The following DLGAP1 variants were observed in gnomAD, a reference collection of about 807,000 sequenced individuals.
DLGAP1 encodes DLG associated protein 1.
Under a neutral mutation model 90.8 loss-of-function variants are expected in DLGAP1, and 11 were observed. The ratio of observed to expected loss-of-function variants is 0.12; its 90% CI spans 0.08 to 0.20. DLGAP1 has a LOEUF of 0.20. Ranked by LOEUF, DLGAP1 falls within the 10% of genes least tolerant of loss-of-function variation. The pLI is 1.00. For missense variants in DLGAP1, 1,050 were observed against 1,333.8 expected (o/e 0.79, Z 3.31); for synonymous variants, 558 against 540.7 (o/e 1.03, Z -0.44).
chr18:4,099,337 ATCTATCTATCTG>A (rs1234994802), intron 2 of DLGAP1, among the ~76,000 whole-genome samples: 62 of 123,936 alleles, frequency 5.0e-4, no homozygotes, highest in African/African-American at 8.4e-4. Context: ...CTATCTATCT[ATCTATCTATCTG>A]TCTGTCTGTC....
chr18:4,024,456 C>T (rs2074666094), intron 2 of DLGAP1, among the ~76,000 whole-genome samples: 1 of 152,142 alleles, frequency 6.6e-6, no homozygotes, highest in African/African-American at 2.4e-5. Context: ...GATACTAATG[C>T]TTTTTCACGG....
chr18:4,178,117 C>T lies in DLGAP1; in HGVS notation c.-266-26830G>A, dbSNP rs149045240. 4.0e-3 allele frequency among the ~76,000 whole-genome samples: 603 copies of T among 151,214 alleles called. 10 individuals carry two copies. Among genetic ancestry groups the T allele is most frequent in the African/African-American group, 0.014 (569 of 41,160 alleles). Reference sequence around the variant, plus strand: ...TTGAATTCCATTCAAGTATTATCTACTTCTGAGATTCAGACTATCCCACTA... The same window carrying T: ...TTGAATTCCATTCAAGTATTATCTATTTCTGAGATTCAGACTATCCCACTA... On this transcript the variant is annotated intron_variant, in intron 1 of 12. Coordinates refer to ENST00000315677, the MANE Select transcript of DLGAP1 (RefSeq NM_004746.4).
intron 2 of DLGAP1, among the ~76,000 whole-genome samples, chr18:4,022,286 A>C (rs527928062): frequency 6.6e-6 from 1 of 151,454 alleles, no homozygotes; most frequent in Non-Finnish European, 1.5e-5. Context: ...CTTTGGTTTT[A>C]CTTTGTTCTC....
intron 1 of DLGAP1, among the ~76,000 whole-genome samples, chr18:4,283,585 T>A (rs1598808382): frequency 6.6e-6 from 1 of 152,178 alleles, no homozygotes; most frequent in South Asian, 2.1e-4. Flanking sequence ...TCAAGAAACC[T>A]TGTGTACAAC....
chr18:3,887,503 G>A (rs1215682285), intron 3 of DLGAP1, among the ~76,000 whole-genome samples: 1 of 152,198 alleles, frequency 6.6e-6, no homozygotes, highest in Non-Finnish European at 1.5e-5. Context: ...CAGTTTATGA[G>A]AGAAGACTGG....
chr18:3,580,213 T>G lies in DLGAP1; in HGVS notation c.1965+1662A>C. 3 of 1,582,158 alleles carry G rather than the reference T, an allele frequency of 1.9e-6. No individual in the cohort carries two copies. The South Asian group carries it at 3.3e-5, about 18-fold the overall frequency. On this transcript the variant is annotated intron_variant, in intron 8 of 12. Coordinates refer to ENST00000315677, the MANE Select transcript of DLGAP1 (RefSeq NM_004746.4). ...AGACGTCCAAAGTCAAACCTCCGGG[T>G]GGACATTCCCCTCAGGTGAACCATC...
intron 7 of DLGAP1, among the ~76,000 whole-genome samples, chr18:3,659,667 G>A (rs996291747): frequency 6.6e-6 from 1 of 151,782 alleles, no homozygotes; most frequent in African/African-American, 2.4e-5. Context: ...CCAGCTTCAA[G>A]CGATTCTCCT....
At chr18:4,060,154 T>C (rs2075279033) in intron 2 of DLGAP1, among the ~76,000 whole-genome samples, 1 of 152,218 alleles carries the variant, frequency 6.6e-6, no homozygotes, top group Admixed American at 6.5e-5. Flanking sequence ...CTCTCTGCTC[T>C]AGCTGGCTTC....
At chr18:4,112,649 G>T (rs574407030) in intron 2 of DLGAP1, among the ~76,000 whole-genome samples, 1 of 152,124 alleles carries the variant, frequency 6.6e-6, no homozygotes, top group Non-Finnish European at 1.5e-5. Flanking sequence ...GGGTATACAT[G>T]TGCAGGTTTG....
chr18:4,153,671 T>A (rs1400589197), intron 1 of DLGAP1, among the ~76,000 whole-genome samples: 1 of 152,176 alleles, frequency 6.6e-6, no homozygotes, highest in Non-Finnish European at 1.5e-5. Context: ...TTTACACAGA[T>A]GAAAGGTGAA....
intron 3 of DLGAP1, among the ~76,000 whole-genome samples, chr18:3,988,113 T>TG (rs2073879893): frequency 6.6e-6 from 1 of 152,184 alleles, no homozygotes; most frequent in Admixed American, 6.5e-5. Flanking sequence ...TGGTCCCATC[T>TG]GGGGGTGATG....
intron 1 of DLGAP1, among the ~76,000 whole-genome samples, chr18:4,196,296 T>C (rs1416719714): frequency 1.3e-5 from 2 of 152,240 alleles, no homozygotes; most frequent in Non-Finnish European, 2.9e-5. Flanking sequence ...GGGTGGAAAC[T>C]GACCTTGCCT....
intron 1 of DLGAP1, among the ~76,000 whole-genome samples, chr18:4,257,973 ATGTGTGTGTGTGTGTGTG>A (rs10625642): frequency 1.4e-5 from 2 of 141,272 alleles, no homozygotes; most frequent in South Asian, 2.2e-4. Context: ...AGTTATACAT[ATGTGTGTGTGTGTGTGTG>A]TGTGTGTGTG....
chr18:3,906,692 A>G (rs1347797557), intron 3 of DLGAP1, among the ~76,000 whole-genome samples: 1 of 152,258 alleles, frequency 6.6e-6, no homozygotes, highest in Non-Finnish European at 1.5e-5. Flanking sequence ...GGTTGCTGCC[A>G]AAGTAGCTGT....
At chr18:3,733,445 T>G (rs2062519759) in intron 6 of DLGAP1, among the ~76,000 whole-genome samples, 1 of 152,206 alleles carries the variant, frequency 6.6e-6, no homozygotes, top group South Asian at 2.1e-4. Flanking sequence ...TCTGGGTAGG[T>G]GCTCAGCCAT....
intron 11 of DLGAP1, among the ~76,000 whole-genome samples, chr18:3,506,975 T>G (rs1476958145): frequency 2.0e-5 from 3 of 151,926 alleles, no homozygotes; most frequent in African/African-American, 7.3e-5. Context: ...GGAAGAAGGG[T>G]GAGTTTATTT....
chr18:3,965,606 CA>C (rs142689454), intron 3 of DLGAP1, among the ~76,000 whole-genome samples: 8,971 of 152,134 alleles, frequency 0.059, 343 homozygotes, highest in African/African-American at 0.1. Flanking sequence ...CTCCACTCAA[CA>C]AACATGCTTG....
intron 5 of DLGAP1, among the ~76,000 whole-genome samples, chr18:3,794,997 AT>A (rs2065915043): frequency 6.6e-6 from 1 of 152,220 alleles, no homozygotes; most frequent in Admixed American, 6.5e-5. Flanking sequence ...TATCTTAGAG[AT>A]GCAAACGATC....
intron 1 of DLGAP1, among the ~76,000 whole-genome samples, chr18:4,428,606 C>T (rs1354888998): frequency 5.3e-5 from 8 of 151,902 alleles, no homozygotes; most frequent in Non-Finnish European, 1.2e-4. Context: ...GCACCTCCCC[C>T]GTCTCTCTCT....
Sources: gnomAD v4.1 joint callset for allele counts (sites outside exome capture counted in the v4.1 genomes callset) on GRCh38, gnomAD v4.1.1 for gene constraint, MANE v1.5 for transcripts, NCBI Gene and HGNC (gene_info 2026-07-23, HGNC 2026-07-21) for gene names.